TMEM87B: variants seen among roughly 807,000 people sequenced by gnomAD.
The protein encoded by TMEM87B is transmembrane protein 87B.
TMEM87B carries 83 observed loss-of-function variants against 80.3 expected under a neutral mutation model. The observed-to-expected ratio is 1.03, with a 90% CI of 0.87 to 1.24. The LOEUF is 1.24. TMEM87B is among the 50% of genes most tolerant of loss of function. The pLI, the probability that TMEM87B is intolerant of heterozygous loss-of-function variation, is 0.00. For synonymous variants in TMEM87B, 219 were observed against 230.5 expected, an observed-to-expected ratio of 0.95 and a Z score of 0.45; for missense variants, 625 against 674.4, an observed-to-expected ratio of 0.93 and a Z score of 0.81.
At chr2:112,105,129 A>G (rs1209097404) in intron 15 of TMEM87B, among the ~76,000 whole-genome samples, 4 of 150,106 alleles carry the variant, frequency 2.7e-5, no homozygotes, top group African/African-American at 7.4e-5. Context: ...AAAATTTGTA[A>G]TATATATATA....
At chr2:112,064,287 G>A in intron 3 of TMEM87B, 34 bp downstream of exon 3, 1 of 1,564,134 alleles carries the variant, frequency 6.4e-7, no homozygotes, top group Non-Finnish European at 8.8e-7. Flanking sequence ...TGTATATAAA[G>A]CTATGAAGGA....
Position 112,085,980 on chromosome 2 carries a change from ATTATT to A in TMEM87B, c.839-17_839-13del. ...AGGCTTCCAGGTGTAGACAAAGTGA[ATTATT>A]TTATTTTTTTCTTCCTCAGCCCAAG... On this transcript the variant is annotated intron_variant, in intron 8 of 18. Coordinates refer to ENST00000283206, the MANE Select transcript of TMEM87B (RefSeq NM_032824.3). 7 of 1,602,324 alleles carry A rather than the reference ATTATT, an allele frequency of 4.4e-6. No homozygotes were observed. The highest frequency in any genetic ancestry group is 6.0e-6 in the Non-Finnish European group (7 of 1,172,188).
chr2:112,069,537 T>C (rs975949923), intron 4 of TMEM87B, among the ~76,000 whole-genome samples: 1 of 152,254 alleles, frequency 6.6e-6, no homozygotes, highest in Admixed American at 6.5e-5. Flanking sequence ...ATGATGTATA[T>C]GTACCACATT....
At position 112,081,222 on chromosome 2, in the gene TMEM87B, A is replaced by T. The variant is rs1164742890; in HGVS notation, c.654+104A>T. ...TAGTTAATGCTTTGACATATCCTGT[A>T]TTTCTGGTTCCAGAGTGACTGGAAA... On this transcript the variant is annotated intron_variant, in intron 7 of 18. Coordinates refer to ENST00000283206, the MANE Select transcript of TMEM87B (RefSeq NM_032824.3). The T allele has an allele frequency of 4.9e-6, 7 of 1,431,402 alleles. No individual in the cohort carries two copies. In the East Asian group the frequency reaches 1.6e-4, roughly 33 times the overall value. The allele number at this position is 1,431,402 out of a possible 1,614,324, so 88.7% of individuals were successfully genotyped here. A position where few individuals can be genotyped will look rare whatever the true frequency, so the allele number is the denominator to read the frequency against.
intron 2 of TMEM87B, among the ~76,000 whole-genome samples, chr2:112,063,735 T>G (rs1200436766): frequency 1.3e-5 from 2 of 152,214 alleles, no homozygotes; most frequent in Admixed American, 1.3e-4. Context: ...TGAGAGTGCC[T>G]GTTTAGTTGT....
chr2:112,097,420 T>G, intron 13 of TMEM87B, 129 bp downstream of exon 13: 2 of 910,370 alleles, frequency 2.2e-6, no homozygotes, highest in South Asian at 3.7e-5. Flanking sequence ...TTTGAACTAT[T>G]TTTTACAGAG....
At chr2:112,113,326 T>G (rs1679972478) in intron 18 of TMEM87B, among the ~76,000 whole-genome samples, 3 of 152,156 alleles carry the variant, frequency 2.0e-5, no homozygotes, top group Admixed American at 2.0e-4. Context: ...GGGAAAAAAA[T>G]TAGCTGTGGA....
chr2:112,084,513 C>T (rs554746663), intron 8 of TMEM87B, among the ~76,000 whole-genome samples: 1 of 152,342 alleles, frequency 6.6e-6, no homozygotes, highest in Admixed American at 6.5e-5. Context: ...GTGTTCCTCT[C>T]GCTGCATGAT....
At chr2:112,098,842 A>G (rs542276616) in intron 14 of TMEM87B, 144 bp downstream of exon 14, 2 of 720,408 alleles carry the variant, frequency 2.8e-6, no homozygotes, top group East Asian at 2.7e-5. Context: ...AAACAAATGC[A>G]AGACAGTGAA....
chr2:112,095,161 CTTTCTTTTTTTTTTTTTTTTTTTTTTTTT>C, intron 11 of TMEM87B: 1 of 656,148 alleles, frequency 1.5e-6, no homozygotes, highest in South Asian at 7.4e-5. Flanking sequence ...TCTTTTCTTT[CTTTCTTTTTTTTTTTTTTTTTTTTTTTTT>C]TTTTTTTTTT....
intron 4 of TMEM87B, 42 bp from the exon 5 acceptor site, chr2:112,074,870 A>G: frequency 2.0e-6 from 3 of 1,496,504 alleles, no homozygotes; most frequent in Non-Finnish European, 2.7e-6. Context: ...TCTCCGTAGA[A>G]ATGCAGCAGT....
At chr2:112,075,128 A>C (rs1678769449) in intron 5 of TMEM87B, among the ~76,000 whole-genome samples, 166 bp downstream of exon 5, 1 of 152,250 alleles carries the variant, frequency 6.6e-6, no homozygotes, top group Admixed American at 6.5e-5. Flanking sequence ...GGCCAGGTGC[A>C]GTGGCTCCTG....
At chr2:112,094,508 C>T (rs977579069) in intron 11 of TMEM87B, among the ~76,000 whole-genome samples, 5 of 151,964 alleles carry the variant, frequency 3.3e-5, no homozygotes, top group African/African-American at 1.2e-4. Context: ...GGGAAAAACA[C>T]TTAGTAATGC....
intron 10 of TMEM87B, among the ~76,000 whole-genome samples, chr2:112,091,448 A>G (rs1261973647): frequency 6.6e-6 from 1 of 152,150 alleles, no homozygotes; most frequent in Non-Finnish European, 1.5e-5. Context: ...GGCTGGTGTT[A>G]GTGAGGTTGG....
chr2:112,066,972 G>T lies in TMEM87B; in HGVS notation c.355G>T (p.Asp119Tyr). 1 of 1,610,628 alleles carries T rather than the reference G, an allele frequency of 6.2e-7. No individual in the cohort carries two copies. Among genetic ancestry groups the T allele is most frequent in the South Asian group, 1.1e-5 (1 of 89,932 alleles). The change falls in exon 4 of 19, where the codon GAC becomes TAC. Residue 119 changes from aspartate (D) to tyrosine (Y), a missense_variant. Coordinates refer to ENST00000283206, the MANE Select transcript of TMEM87B (RefSeq NM_032824.3). ...AAAACATAAACTTAGTGTTGATGAAGACTTTTGTCATTATTTGAAGAATGA... is the reference window on the plus strand; with the variant it reads ...AAAACATAAACTTAGTGTTGATGAATACTTTTGTCATTATTTGAAGAATGA... ...FQKHKLSVDE[D>Y]FCHYLKNDNC...
intron 2 of TMEM87B, among the ~76,000 whole-genome samples, chr2:112,060,385 A>G (rs1259206666): frequency 2.0e-5 from 3 of 152,146 alleles, no homozygotes; most frequent in Admixed American, 6.6e-5. Flanking sequence ...ATACTAATAT[A>G]TATATAAACA....
chr2:112,110,951 T>A (rs1187902128), intron 17 of TMEM87B, among the ~76,000 whole-genome samples: 1 of 152,104 alleles, frequency 6.6e-6, no homozygotes, highest in Non-Finnish European at 1.5e-5. Context: ...AGTGTTGGGC[T>A]TTTTTGGAGG....
intron 2 of TMEM87B, among the ~76,000 whole-genome samples, chr2:112,063,838 C>T (rs998189050): frequency 2.6e-5 from 4 of 152,198 alleles, no homozygotes; most frequent in Non-Finnish European, 4.4e-5. Context: ...GGATGGGGCT[C>T]ACTCAGTATA....
At chr2:112,060,191 C>CA (rs896012625) in intron 2 of TMEM87B, among the ~76,000 whole-genome samples, 154 bp downstream of exon 2, 3 of 151,994 alleles carry the variant, frequency 2.0e-5, no homozygotes, top group East Asian at 3.9e-4. Flanking sequence ...ACTAAAAATA[C>CA]AAAAAAAGTT....
Sources: gnomAD v4.1 joint callset for allele counts (sites outside exome capture counted in the v4.1 genomes callset) on GRCh38, gnomAD v4.1.1 for gene constraint, MANE v1.5 for transcripts, NCBI Gene and HGNC (gene_info 2026-07-23, HGNC 2026-07-21) for gene names.